TRMT11: variants seen among roughly 807,000 people sequenced by gnomAD.
TRMT11 encodes the protein tRNA (guanine(10)-N(2))-methyltransferase TRMT11.
In TRMT11, 53 loss-of-function variants were observed where a neutral mutation model predicts 62.8. The ratio of observed to expected loss-of-function variants is 0.84; its 90% CI spans 0.68 to 1.06. The LOEUF is 1.06. Ranked by LOEUF, TRMT11 falls within the 50% of genes least tolerant of loss-of-function variation. The pLI is 0.00. For synonymous variants in TRMT11, 188 were observed against 190.3 expected, an observed-to-expected ratio of 0.99 and a Z score of 0.10; for missense variants, 556 against 553.4, an observed-to-expected ratio of 1.00 and a Z score of -0.05.
chr6:126,047,810 G>T (rs1776103079), intron 16 of TRMT11, among the ~76,000 whole-genome samples: 1 of 152,194 alleles, frequency 6.6e-6, no homozygotes, highest in Non-Finnish European at 1.5e-5. Flanking sequence ...TTCCACGAAG[G>T]AGTCAGGCAA....
intron 11 of TRMT11, among the ~76,000 whole-genome samples, chr6:126,019,401 A>G (rs112588818): frequency 6.6e-6 from 1 of 152,162 alleles, no homozygotes; most frequent in African/African-American, 2.4e-5. Flanking sequence ...CATAGATGTT[A>G]ATTAAAATTG....
intron 1 of TRMT11, among the ~76,000 whole-genome samples, chr6:125,993,458 C>A (rs1790964267): frequency 1.3e-5 from 2 of 152,172 alleles, no homozygotes; most frequent in African/African-American, 2.4e-5. Flanking sequence ...AATCGTCAGT[C>A]TTACTAATCT....
At chr6:126,259,784 A>G in the TRMT11 span, among the ~76,000 whole-genome samples, 2 of 152,172 alleles carry the variant, frequency 1.3e-5, no homozygotes, top group East Asian at 1.9e-4. Context: ...TAATTGTTAT[A>G]TCATCTTGTT....
chr6:125,999,235 A>G (rs1792090130), intron 6 of TRMT11, among the ~76,000 whole-genome samples: 1 of 152,230 alleles, frequency 6.6e-6, no homozygotes, highest in Non-Finnish European at 1.5e-5. Context: ...ATTCAAATGC[A>G]GTTCATACTT....
At chr6:126,049,722 G>A (rs1367814670) in intron 16 of TRMT11, among the ~76,000 whole-genome samples, 2 of 152,212 alleles carry the variant, frequency 1.3e-5, no homozygotes, top group Non-Finnish European at 2.9e-5. Context: ...AGTTTGGAAG[G>A]ATGAGAATTT....
At chr6:126,087,818 C>T (rs1777231749) in intron 17 of TRMT11, among the ~76,000 whole-genome samples, 1 of 152,218 alleles carries the variant, frequency 6.6e-6, no homozygotes, top group Admixed American at 6.5e-5. Context: ...TCTTTTCTCT[C>T]TGTTTCTGCA....
the TRMT11 span, among the ~76,000 whole-genome samples, chr6:126,269,779 G>GA: frequency 5.2e-3 from 790 of 152,224 alleles, 9 homozygotes; most frequent in African/African-American, 0.018. Context: ...TGTTTTAAGA[G>GA]AAAAAACCAA....
At chr6:125,988,060 A>C (rs1333423416) in intron 1 of TRMT11, among the ~76,000 whole-genome samples, 1 of 152,212 alleles carries the variant, frequency 6.6e-6, no homozygotes, top group Non-Finnish European at 1.5e-5. Flanking sequence ...AAGTCGGAGG[A>C]GGCCATGAAG....
chr6:126,179,168 G>T (rs1260482970), intron 1 of TRMT11, among the ~76,000 whole-genome samples: 2 of 152,092 alleles, frequency 1.3e-5, no homozygotes, highest in Non-Finnish European at 2.9e-5. Context: ...AAGAAATTGT[G>T]TCACTTCTTG....
chr6:126,015,538 C>A (rs1583723140), intron 11 of TRMT11, among the ~76,000 whole-genome samples: 1 of 152,058 alleles, frequency 6.6e-6, no homozygotes, highest in South Asian at 2.1e-4. Context: ...CTTTTTGAAA[C>A]CATTTGAGAA....
chr6:126,252,987 A>G, the TRMT11 span, among the ~76,000 whole-genome samples: 4 of 152,168 alleles, frequency 2.6e-5, no homozygotes, highest in Non-Finnish European at 4.4e-5. Context: ...GTGTTAATCA[A>G]TGCTGCCAAT....
At chr6:126,261,534 C>T in the TRMT11 span, among the ~76,000 whole-genome samples, 28 of 151,982 alleles carry the variant, frequency 1.8e-4, no homozygotes, top group African/African-American at 5.1e-4. Context: ...TACATTGATC[C>T]GTGTATCTAG....
At chr6:126,254,809 C>A in the TRMT11 span, among the ~76,000 whole-genome samples, 2 of 152,120 alleles carry the variant, frequency 1.3e-5, no homozygotes, top group African/African-American at 4.8e-5. Context: ...ATAAATCTGA[C>A]ATAGTCTGTG....
chr6:126,231,426 A>G, the TRMT11 span, among the ~76,000 whole-genome samples: 5 of 152,228 alleles, frequency 3.3e-5, no homozygotes, highest in Admixed American at 1.3e-4. Flanking sequence ...AGAAAAAGTT[A>G]TGTCGTAAAT....
intron 17 of TRMT11, among the ~76,000 whole-genome samples, chr6:126,059,378 C>T (rs1230469625): frequency 6.6e-6 from 1 of 152,156 alleles, no homozygotes; most frequent in Admixed American, 6.5e-5. Context: ...ATCCTCCTTA[C>T]TCTCCTGATA....
intron 16 of TRMT11, among the ~76,000 whole-genome samples, chr6:126,050,698 C>CA (rs756418149): frequency 0.13 from 16,286 of 129,332 alleles, 2,841 homozygotes; most frequent in African/African-American, 0.4. Context: ...GATGTGGTCT[C>CA]AAAAAAAAAA....
intron 21 of TRMT11, among the ~76,000 whole-genome samples, chr6:126,146,354 A>C (rs561352524): frequency 3.9e-5 from 6 of 152,148 alleles, no homozygotes. Context: ...ACTCTGGCCT[A>C]TTTGCTCCAG....
intron 17 of TRMT11, among the ~76,000 whole-genome samples, chr6:126,055,376 T>C (rs927264427): frequency 1.3e-5 from 2 of 152,200 alleles, no homozygotes; most frequent in African/African-American, 2.4e-5. Flanking sequence ...CCCTGCCTGC[T>C]TCTCCTTCAC....
intron 12 of TRMT11, among the ~76,000 whole-genome samples, chr6:126,034,914 G>A (rs1053120305): frequency 5.3e-5 from 8 of 152,004 alleles, no homozygotes; most frequent in Non-Finnish European, 8.8e-5. Flanking sequence ...TGGTTGAGAC[G>A]CGCAGGGAAT....
Sources: allele counts gnomAD v4.1 joint callset (sites outside exome capture counted in the v4.1 genomes callset), GRCh38; gene constraint gnomAD v4.1.1; transcripts MANE v1.5; gene names NCBI Gene and HGNC (gene_info 2026-07-23, HGNC 2026-07-21).